Variants in SPON2 observed in about 807,000 individuals in gnomAD.
SPON2 encodes spondin-2.
A neutral mutation model predicts 29.9 loss-of-function variants in SPON2; 32 were observed. That is an observed-to-expected ratio of 1.07 (90% CI 0.81 to 1.44). The LOEUF is 1.44. Among genes scored for constraint, SPON2 ranks in the 40% most tolerant of loss-of-function variants. SPON2 has a pLI of 0.00. For missense variants in SPON2, 541 were observed against 455.5 expected (o/e 1.19, Z -1.71); for synonymous variants, 248 against 209.1 (o/e 1.19, Z -1.61).
At chr4:1,189,880 C>T (rs6856793) in intron 1 of SPON2, among the ~76,000 whole-genome samples, 144,551 of 151,282 alleles carry the variant, frequency 0.96, 69,403 homozygotes, top group East Asian at 1. Context: ...TCCCAGCTAC[C>T]CACGAGGCTG....
At chr4:1,173,863 G>A (rs1727535451), upstream of SPON2, among the ~76,000 whole-genome samples, 2 of 152,170 alleles carry the variant, frequency 1.3e-5, no homozygotes, top group African/African-American at 4.8e-5. Context: ...TTCCACCTCC[G>A]TGCTTCTCAA....
At chr4:1,180,880 G>A (rs1304299989) in intron 1 of SPON2, among the ~76,000 whole-genome samples, 1 of 152,216 alleles carries the variant, frequency 6.6e-6, no homozygotes, top group African/African-American at 2.4e-5. Context: ...TCAGAGACCT[G>A]TGTGACATCA....
chr4:1,208,316 G>A (rs1728397395), upstream of SPON2: 1 of 152,280 alleles, frequency 6.6e-6, no homozygotes, highest in South Asian at 2.1e-4. Context: ...GTGGGGCCCC[G>A]AAGAGCCTGG....
At chr4:1,196,448 G>A (rs190884773), upstream of SPON2, among the ~76,000 whole-genome samples, 3 of 152,292 alleles carry the variant, frequency 2.0e-5, no homozygotes, top group African/African-American at 4.8e-5. Flanking sequence ...GCCTCATGCC[G>A]ACCAAGACCC....
chr4:1,197,413 A>G (rs1191863116), upstream of SPON2, among the ~76,000 whole-genome samples: 7 of 152,226 alleles, frequency 4.6e-5, no homozygotes, highest in East Asian at 7.7e-4. Flanking sequence ...ACTCCCAGGT[A>G]GCCCTTGGGT....
At chr4:1,186,060 C>CG (rs1560207616) in intron 1 of SPON2, among the ~76,000 whole-genome samples, 17 of 146,440 alleles carry the variant, frequency 1.2e-4, no homozygotes, top group Non-Finnish European at 3.1e-5. Flanking sequence ...CTGGCTAACA[C>CG]GGTGAAACCC....
intron 1 of SPON2, among the ~76,000 whole-genome samples, chr4:1,186,019 C>CG (rs1727789116): frequency 6.7e-6 from 1 of 149,488 alleles, no homozygotes; most frequent in Non-Finnish European, 1.5e-5. Context: ...CCGAGGCGGG[C>CG]GGATCACGAG....
chr4:1,195,428 C>G (rs1017793578), upstream of SPON2, among the ~76,000 whole-genome samples: 3 of 152,100 alleles, frequency 2.0e-5, no homozygotes, highest in African/African-American at 2.4e-5. Flanking sequence ...CACAGGCCGG[C>G]CAGCTTCCAG....
chr4:1,177,766 G>A (rs1455877555), upstream of SPON2, among the ~76,000 whole-genome samples: 3 of 152,076 alleles, frequency 2.0e-5, no homozygotes, highest in Non-Finnish European at 2.9e-5. Flanking sequence ...CCTGGGGCGC[G>A]GCACAGGCAC....
chr4:1,204,750 G>A lies in SPON2; in HGVS notation c.-234+3130C>T, dbSNP rs543696914. ...AGCACGAGGGACGGCACCTCGTGAC[G>A]CCCAGGACAGACCGGGCTTGTTGCT... On this transcript the variant is annotated intron_variant, in intron 1 of 3. Transcript: ENST00000509233. Among the ~76,000 whole-genome samples the A allele has an allele frequency of 2.8e-4, 43 of 152,300 alleles. 1 individual carries two copies. In the South Asian group the frequency reaches 8.7e-3, roughly 31 times the overall value.
chr4:1,175,952 T>A (rs1348100841), upstream of SPON2, among the ~76,000 whole-genome samples: 1 of 152,046 alleles, frequency 6.6e-6, no homozygotes, highest in Non-Finnish European at 1.5e-5. Flanking sequence ...GGGAGGCCCC[T>A]CCAAAAGCAC....
At chr4:1,205,610 G>C (rs1256702081) in intron 1 of SPON2, among the ~76,000 whole-genome samples, 1 of 152,152 alleles carries the variant, frequency 6.6e-6, no homozygotes, top group Non-Finnish European at 1.5e-5. Context: ...CCAAGCATCC[G>C]AGGCTTTTGC....
Position 1,167,304 on chromosome 4 carries a change from G to T in SPON2, c.*168C>A. ...GAGGAGGCTGTTTCCCAATGCCCGT[G>T]CCGGCCACCAGAGGGCCCTTCAGTG... On this transcript the variant is annotated 3_prime_UTR_variant, in exon 6 of 6. Transcript: ENST00000290902. 1 of 646,546 alleles carries T rather than the reference G, an allele frequency of 1.5e-6. No homozygotes were observed. Among genetic ancestry groups the T allele is most frequent in the Non-Finnish European group, 2.5e-6 (1 of 398,266 alleles). 40.1% of individuals were successfully genotyped at this position (646,546 alleles called of 1,614,324 possible).
rs568055819 is a variant in SPON2, at chr4:1,170,389, GT to G, written c.811+12del. 2.5e-4 allele frequency: 402 copies of G among 1,610,336 alleles called. No homozygotes were observed. In the Middle Eastern group the frequency reaches 3.5e-3, roughly 14 times the overall value. On this transcript the variant is annotated intron_variant, in intron 5 of 5. Coordinates refer to ENST00000290902, the MANE Select transcript of SPON2 (RefSeq NM_012445.4). ...GGCTGCTGTGTGTCCCATGTGACCT[GT>G]ATGTCCGTTACCTGAGGCGCTGTCT...
chr4:1,168,766 C>T (rs904143324), intron 5 of SPON2, among the ~76,000 whole-genome samples: 1 of 152,218 alleles, frequency 6.6e-6, no homozygotes, highest in South Asian at 2.1e-4. Flanking sequence ...GGCCCCACCA[C>T]AAGCCTCTCC....
intron 1 of SPON2, among the ~76,000 whole-genome samples, chr4:1,190,038 A>T (rs1174347335): frequency 6.6e-6 from 1 of 151,998 alleles, no homozygotes; most frequent in East Asian, 1.9e-4. Flanking sequence ...AGAAAATTGA[A>T]TAGCCAGACT....
intron 1 of SPON2, among the ~76,000 whole-genome samples, chr4:1,193,983 T>C (rs1346861848): frequency 1.3e-5 from 2 of 151,636 alleles, no homozygotes; most frequent in African/African-American, 4.8e-5. Context: ...CTGTCCCTCT[T>C]CTTTGGACGA....
intron 1 of SPON2, among the ~76,000 whole-genome samples, chr4:1,205,890 C>T (rs925418872): frequency 5.9e-5 from 9 of 152,178 alleles, no homozygotes; most frequent in Admixed American, 3.9e-4. Flanking sequence ...GAGACCTCCT[C>T]GCTCGGGCCT....
At chr4:1,167,729 C>T in intron 5 of SPON2, 73 bp from the exon 6 acceptor site, 2 of 1,479,528 alleles carry the variant, frequency 1.4e-6, no homozygotes, top group Non-Finnish European at 1.8e-6. Flanking sequence ...GAAGCCACCT[C>T]CCACCAACGT....
Sources: allele counts gnomAD v4.1 joint callset (sites outside exome capture counted in the v4.1 genomes callset), GRCh38; gene constraint gnomAD v4.1.1; transcripts MANE v1.5; gene names NCBI Gene and HGNC (gene_info 2026-07-23, HGNC 2026-07-21).